Variants in UNC5C observed in about 807,000 individuals in gnomAD.
The protein encoded by UNC5C is unc-5 netrin receptor C, also known as netrin receptor UNC5C.
UNC5C carries 47 observed loss-of-function variants against 99.8 expected under a neutral mutation model. The observed-to-expected ratio is 0.47, with a 90% CI of 0.37 to 0.60. UNC5C has a LOEUF of 0.60. UNC5C is among the 20% of genes least tolerant of loss of function. The pLI, the probability that UNC5C is intolerant of heterozygous loss-of-function variation, is 0.00. For synonymous variants in UNC5C, 487 were observed against 452.2 expected (o/e 1.08, Z -0.98); for missense variants, 1,062 against 1,165.9 (o/e 0.91, Z 1.30).
chr4:95,241,725 T>A (rs192184978), intron 7 of UNC5C, among the ~76,000 whole-genome samples: 188 of 152,088 alleles, frequency 1.2e-3, no homozygotes, highest in African/African-American at 4.4e-3. Flanking sequence ...AATAAAGGGG[T>A]CAGAGTTTGC....
intron 2 of UNC5C, among the ~76,000 whole-genome samples, chr4:95,318,544 A>G (rs1742563638): frequency 6.6e-6 from 1 of 152,202 alleles, no homozygotes; most frequent in Non-Finnish European, 1.5e-5. Flanking sequence ...TCTGCCATGC[A>G]GTGTTTTTCT....
chr4:95,253,818 G>T lies in UNC5C; in HGVS notation c.595-3151C>A, dbSNP rs114036508. 6.4e-3 allele frequency among the ~76,000 whole-genome samples: 978 copies of T among 152,146 alleles called. 15 individuals are homozygous for T. The highest frequency in any genetic ancestry group is 0.022 in the African/African-American group (909 of 41,492). ...AAAGGCTCAGTGAGGACTGCAGGCC[G>T]CCCCTCACCTCCTGTGCTGTAATAC... On this transcript the variant is annotated intron_variant, in intron 4 of 15. Transcript: ENST00000453304.
At chr4:95,184,605 A>G (rs1736755779) in intron 13 of UNC5C, among the ~76,000 whole-genome samples, 2 of 152,132 alleles carry the variant, frequency 1.3e-5, no homozygotes, top group Non-Finnish European at 2.9e-5. Context: ...TTTTACTTTT[A>G]CATGCTATTT....
At chr4:95,252,073 C>G (rs989775940) in intron 4 of UNC5C, among the ~76,000 whole-genome samples, 1 of 152,124 alleles carries the variant, frequency 6.6e-6, no homozygotes, top group Non-Finnish European at 1.5e-5. Context: ...CAAATACAGA[C>G]TCTACATTCA....
At chr4:95,335,298 C>A in intron 2 of UNC5C, 112 bp downstream of exon 2, 1 of 1,048,428 alleles carries the variant, frequency 9.5e-7, no homozygotes, top group Non-Finnish European at 1.3e-6. Context: ...AACTTTTTGT[C>A]AGAGAATAAC....
chr4:95,260,262 A>G (rs751401286), intron 4 of UNC5C, among the ~76,000 whole-genome samples: 1 of 152,240 alleles, frequency 6.6e-6, no homozygotes, highest in African/African-American at 2.4e-5. Flanking sequence ...AAAGTAGTCC[A>G]CAAAACAGCC....
chr4:95,436,618 T>C (rs1578162500), intron 1 of UNC5C, among the ~76,000 whole-genome samples: 2 of 151,912 alleles, frequency 1.3e-5, no homozygotes, highest in South Asian at 4.1e-4. Flanking sequence ...CTTAATTAAG[T>C]CTAGGAGTAA....
chr4:95,387,424 G>A (rs1249160223), intron 1 of UNC5C, among the ~76,000 whole-genome samples: 1 of 152,176 alleles, frequency 6.6e-6, no homozygotes, highest in African/African-American at 2.4e-5. Context: ...ACAGGCGTGA[G>A]CCACCTCAGC....
At chr4:95,380,436 A>C (rs913131057) in intron 1 of UNC5C, among the ~76,000 whole-genome samples, 1 of 142,108 alleles carries the variant, frequency 7.0e-6, no homozygotes, top group Non-Finnish European at 1.5e-5. Context: ...TCTAATACTT[A>C]AGAAACATTT....
rs1560730935 is a variant in UNC5C at position 95,203,657 on chromosome 4, G to T, written c.1903-693C>A. On this transcript the variant is annotated intron_variant, in intron 11 of 15. Coordinates refer to ENST00000453304, the MANE Select transcript of UNC5C (RefSeq NM_003728.4). ...GCTAATTTTTTTTGATAGAGATGGG[G>T]TTTCACTATGTTGCCAGGCTGGCCT... Among the ~76,000 whole-genome samples, 5 of 151,966 alleles carry T rather than the reference G, an allele frequency of 3.3e-5. No homozygotes were observed. In the South Asian group the frequency reaches 1.0e-3, roughly 32 times the overall value.
chr4:95,421,273 T>C (rs193011209), intron 1 of UNC5C, among the ~76,000 whole-genome samples: 1 of 152,274 alleles, frequency 6.6e-6, no homozygotes, highest in Admixed American at 6.5e-5. Context: ...AACTGTAGTT[T>C]ATTCTTCATA....
At chr4:95,510,758 T>C (rs1722049927) in intron 1 of UNC5C, among the ~76,000 whole-genome samples, 1 of 152,134 alleles carries the variant, frequency 6.6e-6, no homozygotes, top group Admixed American at 6.6e-5. Context: ...ATAAAGTACA[T>C]TAATGAATGT....
chr4:95,501,904 T>C (rs1377553459), intron 1 of UNC5C, among the ~76,000 whole-genome samples: 1 of 152,160 alleles, frequency 6.6e-6, no homozygotes, highest in Non-Finnish European at 1.5e-5. Flanking sequence ...TCCTCTTATG[T>C]TGGAAATATT....
intron 3 of UNC5C, among the ~76,000 whole-genome samples, chr4:95,296,265 A>T (rs895701781): frequency 3.9e-5 from 6 of 152,204 alleles, no homozygotes; most frequent in Admixed American, 3.9e-4. Context: ...TTCCTTCGGT[A>T]CACACATATG....
chr4:95,350,633 C>A lies in UNC5C; in HGVS notation c.125-15002G>T, dbSNP rs1017783852. ...TAAAAATTCAATAATTATTGACAGACAAATAGGACAACTTAAACATAGGGT... is the reference window on the plus strand; with the variant it reads ...TAAAAATTCAATAATTATTGACAGAAAAATAGGACAACTTAAACATAGGGT... On this transcript the variant is annotated intron_variant, in intron 1 of 15. Coordinates refer to ENST00000453304, the MANE Select transcript of UNC5C (RefSeq NM_003728.4). Among the ~76,000 whole-genome samples the A allele has an allele frequency of 6.6e-5, 10 of 152,080 alleles. No individual in the cohort carries two copies. In the East Asian group the frequency reaches 9.7e-4, roughly 15 times the overall value.
intron 1 of UNC5C, among the ~76,000 whole-genome samples, chr4:95,513,687 T>C (rs1393701669): frequency 1.3e-5 from 2 of 152,098 alleles, no homozygotes; most frequent in African/African-American, 4.8e-5. Flanking sequence ...GAGAAACAGG[T>C]GAAGGAGGGG....
chr4:95,254,224 A>G (rs1739864013), intron 4 of UNC5C, among the ~76,000 whole-genome samples: 1 of 152,060 alleles, frequency 6.6e-6, no homozygotes, highest in Non-Finnish European at 1.5e-5. Context: ...ACTTTATCTA[A>G]AGCATAATTT....
At chr4:95,183,984 TATTATC>T (rs1736723306) in intron 13 of UNC5C, among the ~76,000 whole-genome samples, 1 of 152,208 alleles carries the variant, frequency 6.6e-6, no homozygotes, top group Non-Finnish European at 1.5e-5. Context: ...ACTAATATCA[TATTATC>T]ATTATCATTA....
chr4:95,364,651 C>A (rs1744499296), intron 1 of UNC5C, among the ~76,000 whole-genome samples: 1 of 152,112 alleles, frequency 6.6e-6, no homozygotes, highest in Non-Finnish European at 1.5e-5. Flanking sequence ...AAATGAGTGC[C>A]TTTTTAACTC....
Sources: gnomAD v4.1 joint callset for allele counts (sites outside exome capture counted in the v4.1 genomes callset) on GRCh38, gnomAD v4.1.1 for gene constraint, MANE v1.5 for transcripts, NCBI Gene and HGNC (gene_info 2026-07-23, HGNC 2026-07-21) for gene names.